RAB5B: variants seen among roughly 807,000 people sequenced by gnomAD.
RAB5B encodes the protein ras-related protein Rab-5B.
A neutral mutation model predicts 28.6 loss-of-function variants in RAB5B; 11 were observed. The ratio of observed to expected loss-of-function variants is 0.38; its 90% CI spans 0.24 to 0.64. The LOEUF (loss-of-function observed/expected upper bound fraction) is 0.64, where lower values mean the gene tolerates loss of function less well. Among genes scored for constraint, RAB5B ranks in the 30% least tolerant of loss-of-function variants. RAB5B has a pLI of 0.53. For missense variants in RAB5B, 169 were observed against 265.6 expected (o/e 0.64, Z 2.53); for synonymous variants, 93 against 97.9 (o/e 0.95, Z 0.29).
chr12:55,977,163 C>T (rs1350638996), intron 1 of RAB5B, among the ~76,000 whole-genome samples: 2 of 151,996 alleles, frequency 1.3e-5, no homozygotes, highest in Admixed American at 6.6e-5. Flanking sequence ...TTAGTAGAGA[C>T]GGGATTTGAC....
rs1486875881 is a variant in RAB5B at position 55,993,157 on chromosome 12, C to T, written c.*945C>T. ...CTTTAGATGGCCTCAGCCCCAGCCA[C>T]CATATACCCCTGCAGTTTGCACTTT... On this transcript the variant is annotated 3_prime_UTR_variant, in exon 6 of 6. Coordinates refer to ENST00000360299, the MANE Select transcript of RAB5B (RefSeq NM_002868.4). 1 of 152,796 alleles carries T rather than the reference C, an allele frequency of 6.5e-6. No homozygotes were observed. Among genetic ancestry groups the T allele is most frequent in the African/African-American group, 2.4e-5 (1 of 41,432 alleles). The allele number at this position is 152,796 out of a possible 1,614,324, so 9.5% of individuals were successfully genotyped here.
chr12:55,975,797 T>TC, intron 1 of RAB5B, among the ~76,000 whole-genome samples: 1 of 146,336 alleles, frequency 6.8e-6, no homozygotes, highest in Middle Eastern at 3.4e-3. Context: ...TTTCTTTTTT[T>TC]TTTTTTTTTT....
At chr12:55,989,682 G>T (rs1337842937) in intron 2 of RAB5B, among the ~76,000 whole-genome samples, 1 of 152,182 alleles carries the variant, frequency 6.6e-6, no homozygotes, top group Non-Finnish European at 1.5e-5. Context: ...TCGTATAAGT[G>T]CCAGTTCTTC....
chr12:55,980,809 A>G (rs1235981765), intron 1 of RAB5B: 3 of 1,581,248 alleles, frequency 1.9e-6, no homozygotes, highest in Non-Finnish European at 2.6e-6. Flanking sequence ...GGTAGTAGGC[A>G]GTAGTTATTG....
At chr12:55,989,182 T>C (rs913182708) in intron 2 of RAB5B, among the ~76,000 whole-genome samples, 3 of 151,990 alleles carry the variant, frequency 2.0e-5, no homozygotes, top group Non-Finnish European at 2.9e-5. Context: ...CCTCAAGCCA[T>C]CCACCTGCCT....
At chr12:55,989,233 C>T (rs1396807214) in intron 2 of RAB5B, among the ~76,000 whole-genome samples, 4 of 151,498 alleles carry the variant, frequency 2.6e-5, no homozygotes, top group Non-Finnish European at 4.4e-5. Flanking sequence ...TGAGCCACTG[C>T]GCCCAGCCAA....
chr12:55,974,572 G>A (rs1889593622), intron 1 of RAB5B, among the ~76,000 whole-genome samples: 1 of 152,202 alleles, frequency 6.6e-6, no homozygotes, highest in African/African-American at 2.4e-5. Flanking sequence ...CTGCAGAGAG[G>A]TTCATTGGAA....
chr12:55,992,008 CA>C, intron 5 of RAB5B, 88 bp from the exon 6 acceptor site: 2 of 908,750 alleles, frequency 2.2e-6, no homozygotes, highest in Non-Finnish European at 3.5e-6. Context: ...CCCTTTTCCC[CA>C]ATTCAGTAGC....
At position 55,990,062 on chromosome 12, in the gene RAB5B, C is replaced by G. The variant is rs755264911; in HGVS notation, c.279C>G (p.Ala93=). The part of the protein sequence containing the change: ...HSLAPMYYRG[A]QAAIVVYDIT... ...TAGCCCCCATGTACTACAGGGGTGC[C>G]CAAGCTGCAATCGTGGTTTACGACA... is the stretch of plus-strand genomic sequence containing the variant. The change falls in exon 3 of 6, where the codon GCC becomes GCG. Residue 93 remains alanine (A), a synonymous_variant. Coordinates refer to ENST00000360299, the MANE Select transcript of RAB5B (RefSeq NM_002868.4). The G allele has an allele frequency of 6.2e-7, 1 of 1,614,120 alleles. No individual in the cohort carries two copies. Among genetic ancestry groups the G allele is most frequent in the Non-Finnish European group, 8.5e-7 (1 of 1,180,002 alleles).
rs778834831 is a variant in RAB5B, at chr12:55,987,076, G to A, written c.116G>A (p.Arg39His). The change falls in exon 2 of 6, where the codon CGT (arginine) becomes CAT (histidine). Residue 39 changes from arginine to histidine, a missense_variant. Physicochemically the swap from Arg to His is conservative, Grantham distance 29 (BLOSUM62 0). Coordinates refer to ENST00000360299, the MANE Select transcript of RAB5B (RefSeq NM_002868.4). ...GTGGGAAAGTCAAGCCTGGTATTAC[G>A]TTTTGTCAAAGGGCAGTTCCATGAG... is the stretch of plus-strand genomic sequence containing the variant. Reference protein sequence around the residue: ...SAVGKSSLVLRFVKGQFHEYQ... With the variant: ...SAVGKSSLVLHFVKGQFHEYQ... 3.1e-6 allele frequency: 5 copies of A among 1,614,030 alleles called. No individual in the cohort carries two copies. Among genetic ancestry groups the A allele is most frequent in the Non-Finnish European group, 4.2e-6 (5 of 1,179,956 alleles).
At position 55,987,143 on chromosome 12, in the gene RAB5B, A is replaced by G. The variant is rs1273183400; in HGVS notation, c.163+20A>G. 6.3e-7 allele frequency: 1 copy of G among 1,586,114 alleles called. No homozygotes were observed. Among genetic ancestry groups the G allele is most frequent in the South Asian group, 1.1e-5 (1 of 87,466 alleles). The stretch of plus-strand genomic sequence containing the variant: ...TTGGAGGTGAGTGCCTTGGGGTAAT[A>G]GGAGATTGAATGTTTGGTAAGGGTT... On this transcript the variant is annotated intron_variant, in intron 2 of 5. Coordinates refer to ENST00000360299, the MANE Select transcript of RAB5B (RefSeq NM_002868.4).
chr12:55,990,421 A>G (rs1483238073), intron 3 of RAB5B, among the ~76,000 whole-genome samples: 6 of 152,160 alleles, frequency 3.9e-5, no homozygotes, highest in Admixed American at 3.3e-4. Flanking sequence ...AAAAAAAGAA[A>G]AAAGACTGTC....
At chr12:55,991,180 A>G (rs1334390797) in intron 4 of RAB5B, 180 bp from the exon 5 acceptor site, 3 of 583,422 alleles carry the variant, frequency 5.1e-6, no homozygotes, top group African/African-American at 3.7e-5. Context: ...CTGAGTGGAC[A>G]TGGGGTCATC....
chr12:55,978,446 G>A (rs1194285560), intron 1 of RAB5B, among the ~76,000 whole-genome samples: 4 of 151,998 alleles, frequency 2.6e-5, no homozygotes, highest in African/African-American at 4.8e-5. Flanking sequence ...AGAGCTTGCA[G>A]TGAGCCGAGA....
chr12:55,991,741 A>G, intron 5 of RAB5B: 2 of 399,626 alleles, frequency 5.0e-6, no homozygotes, highest in East Asian at 1.1e-4. Flanking sequence ...ATCCTGGCCA[A>G]TGTGGTGAAA....
chr12:55,992,155 G>A lies in RAB5B; in HGVS notation c.591G>A (p.Arg197=), dbSNP rs370187474. 3 of 1,614,070 alleles carry A rather than the reference G, an allele frequency of 1.9e-6. No homozygotes were observed. Among genetic ancestry groups the A allele is most frequent in the African/African-American group, 2.7e-5 (2 of 74,924 alleles). The change falls in exon 6 of 6, where the codon CGG becomes CGA. Residue 197 remains arginine (R), a synonymous_variant. Coordinates refer to ENST00000360299, the MANE Select transcript of RAB5B (RefSeq NM_002868.4). The part of the protein sequence containing the change: ...QNLGGAAGRS[R]GVDLHEQSQQ... ...TGGGAGGTGCAGCAGGCCGAAGCCGGGGTGTGGATCTCCATGAACAGTCCC... is the reference window on the plus strand; with the variant it reads ...TGGGAGGTGCAGCAGGCCGAAGCCGAGGTGTGGATCTCCATGAACAGTCCC...
chr12:55,990,059 TGCCCAAGC>T lies in RAB5B; in HGVS notation c.277_284del (p.Ala93CysfsTer9). 1 of 1,614,022 alleles carries T rather than the reference TGCCCAAGC, an allele frequency of 6.2e-7. No homozygotes were observed. The highest frequency in any genetic ancestry group is 1.3e-5 in the African/African-American group (1 of 75,010). On this transcript the variant is annotated frameshift_variant, in exon 3 of 6. Transcript: ENST00000360299. LOFTEE classifies it high-confidence loss of function. ...GCTTAGCCCCCATGTACTACAGGGG[TGCCCAAGC>T]TGCAATCGTGGTTTACGACATTACT...
intron 1 of RAB5B, chr12:55,980,540 A>G: frequency 6.3e-7 from 1 of 1,589,278 alleles, no homozygotes; most frequent in South Asian, 1.1e-5. Flanking sequence ...GTCCCGGGCC[A>G]GGGAACTAAA....
chr12:55,991,469 C>T lies in RAB5B; in HGVS notation c.532+16C>T, dbSNP rs1157144801. 2.5e-6 allele frequency: 4 copies of T among 1,596,154 alleles called. No homozygotes were observed. Among genetic ancestry groups the T allele is most frequent in the Non-Finnish European group, 2.6e-6 (3 of 1,163,974 alleles). ...CTGGCAATAGGTAAGGTCAGAACAT[C>T]CTGAGGTCCTCCTTTTTCCCTCGTT... On this transcript the variant is annotated intron_variant, in intron 5 of 5. Coordinates refer to ENST00000360299, the MANE Select transcript of RAB5B (RefSeq NM_002868.4).
Sources: allele counts gnomAD v4.1 joint callset (sites outside exome capture counted in the v4.1 genomes callset), GRCh38; gene constraint gnomAD v4.1.1; transcripts MANE v1.5; gene names NCBI Gene and HGNC (gene_info 2026-07-23, HGNC 2026-07-21).